DIAPH2: variants seen among roughly 807,000 people sequenced by gnomAD.
DIAPH2 encodes the protein diaphanous related formin 2, also known as protein diaphanous homolog 2.
DIAPH2 carries 35 observed loss-of-function variants against 92.7 expected under a neutral mutation model. The observed-to-expected ratio is 0.38, with a 90% CI of 0.29 to 0.50. The LOEUF (loss-of-function observed/expected upper bound fraction) is 0.50, where lower values mean the gene tolerates loss of function less well. Among genes scored for constraint, DIAPH2 ranks in the 20% least tolerant of loss-of-function variants. The probability of loss-of-function intolerance (pLI) is 0.94; values close to 1 mark genes in which losing one functional copy is unlikely to be tolerated. For missense variants in DIAPH2, 701 were observed against 819.5 expected (o/e 0.86, Z 1.77); for synonymous variants, 301 against 280.4 (o/e 1.07, Z -0.73).
chrX:97,115,527 C>T (rs1257721353), intron 21 of DIAPH2, among the ~76,000 whole-genome samples: 2 of 111,197 alleles, frequency 1.8e-5, no homozygotes, highest in African/African-American at 6.5e-5. Context: ...CAGAGCAAGA[C>T]TCTGTCTCAA....
chrX:96,917,954 C>A (rs2065516080), intron 8 of DIAPH2, among the ~76,000 whole-genome samples: 1 of 110,725 alleles, frequency 9.0e-6, no homozygotes, highest in Non-Finnish European at 1.9e-5. Context: ...ATATCAAAAC[C>A]TGAAAATTTA....
At chrX:96,713,322 AT>A (rs957073458) in intron 1 of DIAPH2, among the ~76,000 whole-genome samples, 3 of 110,386 alleles carry the variant, frequency 2.7e-5, no homozygotes, top group Admixed American at 1.9e-4. Flanking sequence ...AGTGTGTTTT[AT>A]TTTTTTTAAG....
At position 97,141,645 on chromosome X, in the gene DIAPH2, G is replaced by A. The variant is rs763325324; in HGVS notation, c.2590-20G>A. The A allele has an allele frequency of 1.0e-5, 12 of 1,166,914 alleles. No individual in the cohort carries two copies. Among genetic ancestry groups the A allele is most frequent in the Non-Finnish European group, 1.4e-5 (12 of 877,128 alleles). On this transcript the variant is annotated intron_variant, in intron 21 of 26. Coordinates refer to ENST00000324765, the MANE Select transcript of DIAPH2 (RefSeq NM_006729.5). Reference sequence around the variant, plus strand: ...ATTTACTAAAAAATTACTAAAAAATGTGTTGTTGTTTTCTCCCAGATCAGA... The same window carrying A: ...ATTTACTAAAAAATTACTAAAAAATATGTTGTTGTTTTCTCCCAGATCAGA...
At chrX:96,887,091 T>C (rs1241137514) in intron 5 of DIAPH2, among the ~76,000 whole-genome samples, 1 of 111,106 alleles carries the variant, frequency 9.0e-6, no homozygotes, top group Non-Finnish European at 1.9e-5. Flanking sequence ...CCAACGCTTA[T>C]TCTTCTGAAT....
At chrX:97,223,906 G>GT (rs969421477) in intron 22 of DIAPH2, among the ~76,000 whole-genome samples, 3 of 111,179 alleles carry the variant, frequency 2.7e-5, no homozygotes, top group Non-Finnish European at 5.7e-5. Flanking sequence ...ATTGTTTACT[G>GT]TTTTTTTAGT....
chrX:97,051,609 C>T (rs1168096160), intron 17 of DIAPH2, among the ~76,000 whole-genome samples: 1 of 107,550 alleles, frequency 9.3e-6, no homozygotes, highest in Non-Finnish European at 1.9e-5. Context: ...GATGGCTATT[C>T]CTATTAAATA....
At chrX:96,942,948 A>G in intron 13 of DIAPH2, among the ~76,000 whole-genome samples, 1 of 111,924 alleles carries the variant, frequency 8.9e-6, no homozygotes, top group East Asian at 2.8e-4. Flanking sequence ...ATACACAGTA[A>G]CATTCAAAGA....
chrX:97,050,497 C>T (rs1017618104), intron 17 of DIAPH2, among the ~76,000 whole-genome samples: 3 of 104,990 alleles, frequency 2.9e-5, no homozygotes, highest in Non-Finnish European at 3.9e-5. Context: ...AATAGAACCA[C>T]GTTTTTTTGT....
rs1158399212 is a variant in DIAPH2 at position 97,504,410 on chromosome X, G to A, written c.3241+74665G>A. 4.3e-4 allele frequency among the ~76,000 whole-genome samples: 48 copies of A among 112,225 alleles called. No individual in the cohort carries two copies. The Admixed American group carries it at 4.5e-3, about 11-fold the overall frequency. On this transcript the variant is annotated intron_variant, in intron 26 of 26. Transcript: ENST00000324765. ...CCCTGCCCAATTATTGACCAATGTC[G>A]ATCCAATTATGCTTTTAAAAGTATA...
At chrX:97,310,650 G>A (rs1370524055) in intron 23 of DIAPH2, among the ~76,000 whole-genome samples, 1 of 111,563 alleles carries the variant, frequency 9.0e-6, no homozygotes, top group Non-Finnish European at 1.9e-5. Context: ...GAGAGTCGTA[G>A]AAGATAAGGT....
chrX:97,205,689 A>G (rs771523818), intron 22 of DIAPH2, among the ~76,000 whole-genome samples: 22 of 111,413 alleles, frequency 2.0e-4, no homozygotes, highest in African/African-American at 7.2e-4. Context: ...AATAGGAATT[A>G]TTTTACACTA....
intron 22 of DIAPH2, among the ~76,000 whole-genome samples, chrX:97,236,545 A>AT (rs200824073): frequency 0.018 from 1,550 of 87,398 alleles, 33 homozygotes; most frequent in African/African-American, 0.046. Context: ...TTTCATTTTC[A>AT]TTTTTTTTTT....
intron 22 of DIAPH2, among the ~76,000 whole-genome samples, chrX:97,223,535 C>T (rs1047645552): frequency 2.7e-5 from 3 of 111,711 alleles, no homozygotes; most frequent in African/African-American, 6.5e-5. Context: ...TACTCGATTA[C>T]ATATTTCTGC....
intron 4 of DIAPH2, among the ~76,000 whole-genome samples, chrX:96,830,570 C>CAA (rs776270215): frequency 0.079 from 1,060 of 13,409 alleles, 249 homozygotes; most frequent in East Asian, 0.32. Context: ...GACTCAGTCT[C>CAA]AAAAAAAAAA....
chrX:97,572,082 C>CT (rs58336391), intron 26 of DIAPH2, among the ~76,000 whole-genome samples: 11 of 96,787 alleles, frequency 1.1e-4, no homozygotes, highest in African/African-American at 1.9e-4. Flanking sequence ...CTGTGACTTC[C>CT]TTTTTTTTTT....
chrX:96,825,357 T>C (rs1054866563), intron 4 of DIAPH2, among the ~76,000 whole-genome samples: 2 of 104,248 alleles, frequency 1.9e-5, no homozygotes, highest in Admixed American at 1.1e-4. Flanking sequence ...GTGTTTTCTT[T>C]TTTTTTTTTT....
At chrX:97,570,377 A>C (rs2147873997) in intron 26 of DIAPH2, among the ~76,000 whole-genome samples, 1 of 106,250 alleles carries the variant, frequency 9.4e-6, no homozygotes, top group African/African-American at 3.4e-5. Context: ...ATGAGAGATG[A>C]ATGAATTTGG....
intron 1 of DIAPH2, among the ~76,000 whole-genome samples, chrX:96,706,643 G>A (rs983927589): frequency 3.6e-5 from 4 of 111,659 alleles, no homozygotes; most frequent in Non-Finnish European, 7.5e-5. Flanking sequence ...GGACATCATT[G>A]CGAGGTACTG....
At chrX:96,809,463 T>C (rs1364716422) in intron 4 of DIAPH2, among the ~76,000 whole-genome samples, 1 of 110,623 alleles carries the variant, frequency 9.0e-6, no homozygotes, top group Non-Finnish European at 1.9e-5. Flanking sequence ...ACATCTTGCA[T>C]GACTGAAACT....
Sources: allele counts gnomAD v4.1 joint callset (sites outside exome capture counted in the v4.1 genomes callset), GRCh38; gene constraint gnomAD v4.1.1; transcripts MANE v1.5; gene names NCBI Gene and HGNC (gene_info 2026-07-23, HGNC 2026-07-21).